RTN4: variants seen among roughly 807,000 people sequenced by gnomAD.
RTN4 encodes the protein reticulon-4.
A neutral mutation model predicts 90.4 loss-of-function variants in RTN4; 32 were observed. The observed-to-expected ratio is 0.35, with a 90% confidence interval of 0.27 to 0.48. The LOEUF (loss-of-function observed/expected upper bound fraction) is 0.48. Among genes scored for constraint, RTN4 ranks in the 20% least tolerant of loss-of-function variants. RTN4 has a pLI of 0.99. For synonymous variants in RTN4, 629 were observed against 552.5 expected (o/e 1.14, Z -1.94); for missense variants, 1,706 against 1,430.2 (o/e 1.19, Z -3.11).
intron 3 of RTN4, among the ~76,000 whole-genome samples, chr2:55,007,600 C>A (rs1680322192): frequency 6.6e-6 from 1 of 152,072 alleles, no homozygotes; most frequent in East Asian, 1.9e-4. Flanking sequence ...AAGGCTTAAA[C>A]CCTAGATCAC....
intron 2 of RTN4, among the ~76,000 whole-genome samples, chr2:55,057,618 G>A (rs1416907626): frequency 6.6e-6 from 1 of 152,170 alleles, no homozygotes; most frequent in Non-Finnish European, 1.5e-5. Context: ...TTTTTGAGCA[G>A]AAGAACTTGA....
chr2:55,081,281 T>A (rs13420723), intron 1 of RTN4, among the ~76,000 whole-genome samples: 30,664 of 151,946 alleles, frequency 0.2, 4,948 homozygotes, highest in African/African-American at 0.45. Flanking sequence ...CTCACTATGT[T>A]GTCCAGCCTC....
At chr2:54,998,750 A>C (rs2104735288) in intron 3 of RTN4, among the ~76,000 whole-genome samples, 1 of 152,328 alleles carries the variant, frequency 6.6e-6, no homozygotes. Context: ...TTCAAATTAA[A>C]ATAAAGGACA....
the RTN4 span, among the ~76,000 whole-genome samples, chr2:55,120,971 AC>A: frequency 6.6e-6 from 1 of 152,146 alleles, no homozygotes; most frequent in Non-Finnish European, 1.5e-5. Context: ...CCTGGTGGCC[AC>A]CAGGACAGCT....
Position 54,973,815 on chromosome 2 carries a change from A to G in RTN4, c.3477+6T>C. On this transcript the variant is annotated splice_donor_region_variant and intron_variant, in intron 7 of 8. Transcript: ENST00000337526. ...TTCTGAAGTCAGCAGTTAGTTAGGA[A>G]ATTACCTGATGCCGTTCATAAATAA... The G allele has an allele frequency of 6.2e-7, 1 of 1,613,030 alleles. No homozygotes were observed. Among genetic ancestry groups the G allele is most frequent in the Non-Finnish European group, 8.5e-7 (1 of 1,179,286 alleles).
In RTN4 at chr2:54,972,460, C is replaced by T. The variant is rs1677130640; in HGVS notation, c.*696G>A. ...TGTGTGTGGCATTTCATGTTGAAAA[C>T]AGATGGTAGTGCTCCTAGAAATATT... is the stretch of plus-strand genomic sequence containing the variant. On this transcript the variant is annotated 3_prime_UTR_variant, in exon 9 of 9. Transcript: ENST00000337526. 6.6e-6 allele frequency: 1 copy of T among 152,588 alleles called. No homozygotes were observed. The highest frequency in any genetic ancestry group is 6.5e-5 in the Admixed American group (1 of 15,272). 9.5% of individuals were successfully genotyped at this position (152,588 alleles called of 1,614,324 possible).
intron 1 of RTN4, among the ~76,000 whole-genome samples, chr2:55,084,732 T>C (rs566793951): frequency 6.6e-6 from 1 of 152,160 alleles, no homozygotes; most frequent in East Asian, 1.9e-4. Context: ...TGCCAAGAAG[T>C]GGAGAATTGC....
At position 54,993,074 on chromosome 2, in the gene RTN4, G is replaced by A. The variant is rs529140307; in HGVS notation, c.3014-5376C>T. On this transcript the variant is annotated intron_variant, in intron 3 of 8. Transcript: ENST00000337526. ...GGGCAACAGAGCGAGACTCCATCTC[G>A]GAAAAAAAAAAAAAAAAAAGAAAAG... Among the ~76,000 whole-genome samples, 16 of 79,014 alleles carry A rather than the reference G, an allele frequency of 2.0e-4. 1 individual carries two copies. Among genetic ancestry groups the A allele is most frequent in the African/African-American group, 4.8e-4 (12 of 25,038 alleles). The allele number at this position is 79,014 out of a possible 152,430, so 51.8% of individuals were successfully genotyped here.
chr2:55,020,785 G>A (rs1222756799), intron 3 of RTN4, among the ~76,000 whole-genome samples: 1 of 152,116 alleles, frequency 6.6e-6, no homozygotes, highest in Non-Finnish European at 1.5e-5. Context: ...AGAGGCGGGA[G>A]GATCCTTGAA....
At chr2:54,973,509 C>A in intron 8 of RTN4, 54 bp downstream of exon 8, 1 of 1,357,000 alleles carries the variant, frequency 7.4e-7, no homozygotes, top group South Asian at 1.2e-5. Flanking sequence ...ATACTGTTCT[C>A]ACAATCCAGC....
At chr2:55,098,226 T>C (rs528006452) in intron 1 of RTN4, among the ~76,000 whole-genome samples, 6 of 152,154 alleles carry the variant, frequency 3.9e-5, no homozygotes, top group Non-Finnish European at 7.3e-5. Context: ...GTTTAGTAAA[T>C]GTTTGTGGTC....
chr2:55,137,297 T>A, the RTN4 span, among the ~76,000 whole-genome samples: 1 of 151,764 alleles, frequency 6.6e-6, no homozygotes, highest in Non-Finnish European at 1.5e-5. Context: ...GGGCATGAAA[T>A]GGGGGTGGCT....
intron 2 of RTN4, among the ~76,000 whole-genome samples, chr2:55,080,296 G>A (rs967138133): frequency 6.6e-6 from 1 of 152,108 alleles, no homozygotes; most frequent in African/African-American, 2.4e-5. Flanking sequence ...GGGATTACAG[G>A]TGTGAACCAA....
At chr2:55,058,984 C>T (rs1668240572) in intron 2 of RTN4, among the ~76,000 whole-genome samples, 1 of 152,026 alleles carries the variant, frequency 6.6e-6, no homozygotes, top group Non-Finnish European at 1.5e-5. Flanking sequence ...GCTGGGATTA[C>T]AGGCATGAGC....
intron 5 of RTN4, among the ~76,000 whole-genome samples, chr2:54,981,928 A>G (rs2104641254): frequency 6.6e-6 from 1 of 151,976 alleles, no homozygotes; most frequent in Admixed American, 6.6e-5. Flanking sequence ...TTTAATCTTT[A>G]TGATTTCCGA....
chr2:55,055,686 C>T (rs998477434), upstream of RTN4, among the ~76,000 whole-genome samples: 2 of 151,454 alleles, frequency 1.3e-5, no homozygotes, highest in East Asian at 1.9e-4. Flanking sequence ...AGGAGAATGG[C>T]GTGAACCTGG....
At chr2:55,123,672 C>T in the RTN4 span, among the ~76,000 whole-genome samples, 2 of 151,440 alleles carry the variant, frequency 1.3e-5, no homozygotes, top group African/African-American at 4.9e-5. Flanking sequence ...TATATTATAC[C>T]ATATGACACC....
At chr2:55,069,434 C>G in intron 2 of RTN4, among the ~76,000 whole-genome samples, 1 of 152,220 alleles carries the variant, frequency 6.6e-6, no homozygotes, top group East Asian at 1.9e-4. Flanking sequence ...AAATTCAACT[C>G]TGCCATTGTC....
intron 1 of RTN4, among the ~76,000 whole-genome samples, chr2:55,106,560 C>T (rs367827077): frequency 1.3e-5 from 2 of 151,998 alleles, no homozygotes; most frequent in Admixed American, 6.6e-5. Flanking sequence ...GCTGTTGTTG[C>T]CCAGGCTGGA....
Sources: gnomAD v4.1 joint callset for allele counts (sites outside exome capture counted in the v4.1 genomes callset) on GRCh38, gnomAD v4.1.1 for gene constraint, MANE v1.5 for transcripts, NCBI Gene and HGNC (gene_info 2026-07-23, HGNC 2026-07-21) for gene names.